Variants in SGCD observed in about 807,000 individuals in gnomAD.
SGCD encodes sarcoglycan delta.
SGCD carries 18 observed loss-of-function variants against 36.6 expected under a neutral mutation model. That is an observed-to-expected ratio of 0.49 (90% CI 0.34 to 0.73). SGCD has a LOEUF of 0.73. SGCD is among the 30% of genes least tolerant of loss of function. The pLI is 0.01. For synonymous variants in SGCD, 133 were observed against 130.6 expected (o/e 1.02, Z -0.12); for missense variants, 387 against 346.7 (o/e 1.12, Z -0.92).
intron 3 of SGCD, among the ~76,000 whole-genome samples, chr5:156,448,251 C>A: frequency 6.6e-6 from 1 of 152,176 alleles, no homozygotes; most frequent in African/African-American, 2.4e-5. Flanking sequence ...CTCCCATTCC[C>A]TTTCCACTCA....
At chr5:156,737,683 G>C (rs2113054231) in intron 7 of SGCD, among the ~76,000 whole-genome samples, 1 of 152,232 alleles carries the variant, frequency 6.6e-6, no homozygotes, top group Non-Finnish European at 1.5e-5. Context: ...AGAGCACAGG[G>C]TGACCACTTG....
chr5:155,907,550 T>C (rs898759022), intron 1 of SGCD, among the ~76,000 whole-genome samples: 1 of 152,130 alleles, frequency 6.6e-6, no homozygotes, highest in Non-Finnish European at 1.5e-5. Context: ...CCAACCCTCA[T>C]GAATGACTTT....
chr5:156,169,959 G>T (rs1049631521), intron 3 of SGCD, among the ~76,000 whole-genome samples: 1 of 152,126 alleles, frequency 6.6e-6, no homozygotes, highest in Non-Finnish European at 1.5e-5. Flanking sequence ...GGAAGTCTCT[G>T]GGTGTGCCCG....
chr5:156,609,686 C>G (rs1448634759), intron 6 of SGCD, among the ~76,000 whole-genome samples: 4 of 152,212 alleles, frequency 2.6e-5, no homozygotes, highest in Non-Finnish European at 5.9e-5. Flanking sequence ...GTACACCAAT[C>G]AGACATAGAT....
At chr5:156,365,723 A>G (rs780881549) in intron 3 of SGCD, among the ~76,000 whole-genome samples, 1 of 152,162 alleles carries the variant, frequency 6.6e-6, no homozygotes. Flanking sequence ...CATATATACA[A>G]TATATACATG....
intron 7 of SGCD, among the ~76,000 whole-genome samples, chr5:156,748,512 A>G (rs1197493601): frequency 6.6e-6 from 1 of 152,236 alleles, no homozygotes; most frequent in African/African-American, 2.4e-5. Context: ...CTAATAGGAA[A>G]ATAAATTTTA....
At chr5:156,489,247 G>A (rs1437138485) in intron 3 of SGCD, among the ~76,000 whole-genome samples, 1 of 151,986 alleles carries the variant, frequency 6.6e-6, no homozygotes, top group African/African-American at 2.4e-5. Flanking sequence ...AATATTATTG[G>A]ATCTAAAGAG....
chr5:155,798,784 C>T, the SGCD span, among the ~76,000 whole-genome samples: 2 of 152,092 alleles, frequency 1.3e-5, no homozygotes, highest in Admixed American at 1.3e-4. Context: ...TGGCTGTGTC[C>T]TGTGTCTGCT....
At position 155,885,203 on chromosome 5, in the gene SGCD, C is replaced by G; in HGVS notation, c.-282+14779C>G. 1.7e-5 allele frequency among the ~76,000 whole-genome samples: 2 copies of G among 116,248 alleles called. 1 individual carries two copies. Among genetic ancestry groups the G allele is most frequent in the Non-Finnish European group, 3.3e-5 (2 of 60,684 alleles). The allele number at this position is 116,248 out of a possible 152,430, so 76.3% of individuals were successfully genotyped here. A position where few individuals can be genotyped will look rare whatever the true frequency, so the allele number is the denominator to read the frequency against. ...TAAACAGCCAATAATTCCTTAGGTA[C>G]TAGATGTTGTAGGAGGTGCTGAGAA... On this transcript the variant is annotated intron_variant, in intron 1 of 9. Coordinates refer to the SGCD transcript ENST00000517913.
At chr5:156,260,193 C>T (rs1005801420) in intron 3 of SGCD, among the ~76,000 whole-genome samples, 1 of 152,144 alleles carries the variant, frequency 6.6e-6, no homozygotes, top group Non-Finnish European at 1.5e-5. Flanking sequence ...CATATGTCCT[C>T]TAAAGTTATA....
intron 3 of SGCD, among the ~76,000 whole-genome samples, chr5:156,415,152 T>C (rs1772959399): frequency 6.6e-6 from 1 of 152,082 alleles, no homozygotes. Context: ...TTATACTCTA[T>C]CTCGTATTCT....
the SGCD span, among the ~76,000 whole-genome samples, chr5:155,814,014 A>G: frequency 1.3e-5 from 2 of 152,142 alleles, no homozygotes; most frequent in African/African-American, 4.8e-5. Flanking sequence ...GAAACTATGA[A>G]ACAATAATTT....
chr5:156,169,488 A>C (rs1763293274), intron 3 of SGCD, among the ~76,000 whole-genome samples: 1 of 152,220 alleles, frequency 6.6e-6, no homozygotes, highest in Admixed American at 6.5e-5. Flanking sequence ...TGCCTATCTC[A>C]AAGGGTTTTT....
intron 4 of SGCD, among the ~76,000 whole-genome samples, chr5:156,586,623 G>C (rs1207168612): frequency 2.6e-5 from 4 of 152,148 alleles, no homozygotes; most frequent in African/African-American, 4.8e-5. Context: ...TTTATTTTAT[G>C]CTCTGGGTTA....
At chr5:156,436,928 A>G (rs1273311354) in intron 3 of SGCD, among the ~76,000 whole-genome samples, 7 of 152,148 alleles carry the variant, frequency 4.6e-5, no homozygotes, top group Admixed American at 4.6e-4. Context: ...AGTTGTAAAA[A>G]TCAATTAGGA....
intron 3 of SGCD, among the ~76,000 whole-genome samples, chr5:156,198,973 G>C (rs990646187): frequency 6.6e-6 from 1 of 151,998 alleles, no homozygotes; most frequent in South Asian, 2.1e-4. Flanking sequence ...TGGGATATAG[G>C]TGCATGCCAA....
chr5:156,165,536 G>C (rs1348724833), intron 3 of SGCD, among the ~76,000 whole-genome samples: 1 of 152,136 alleles, frequency 6.6e-6, no homozygotes, highest in Non-Finnish European at 1.5e-5. Context: ...CAAGATGATG[G>C]ATCCCAGATG....
intron 3 of SGCD, among the ~76,000 whole-genome samples, chr5:156,294,414 T>A (rs1308927008): frequency 6.6e-6 from 1 of 152,022 alleles, no homozygotes; most frequent in African/African-American, 2.4e-5. Context: ...CTGGTCAACA[T>A]AAAGACCAAG....
At chr5:156,691,234 A>G (rs1581405544) in intron 7 of SGCD, among the ~76,000 whole-genome samples, 1 of 146,204 alleles carries the variant, frequency 6.8e-6, no homozygotes, top group Admixed American at 6.8e-5. Flanking sequence ...AAAGAGAGAG[A>G]CCCAAACTTC....
Sources: allele counts gnomAD v4.1 joint callset (sites outside exome capture counted in the v4.1 genomes callset), GRCh38; gene constraint gnomAD v4.1.1; transcripts MANE v1.5; gene names NCBI Gene and HGNC (gene_info 2026-07-23, HGNC 2026-07-21).